The following FANCC variants were observed in gnomAD, a reference collection of about 807,000 sequenced individuals.
FANCC encodes Fanconi anemia group C protein.
FANCC carries 55 observed loss-of-function variants against 71.3 expected under a neutral mutation model. That is an observed-to-expected ratio of 0.77 (90% CI 0.62 to 0.97). The LOEUF is 0.97. FANCC is among the 50% of genes least tolerant of loss of function. The pLI, the probability that FANCC is intolerant of heterozygous loss-of-function variation, is 0.00. For synonymous variants in FANCC, 275 were observed against 244.9 expected (o/e 1.12, Z -1.15); for missense variants, 678 against 670.9 (o/e 1.01, Z -0.12).
rs529740106 is a variant in FANCC at position 95,136,346 on chromosome 9, G to T, written c.687-844C>A. On this transcript the variant is annotated intron_variant, in intron 7 of 14. Coordinates refer to ENST00000289081, the MANE Select transcript of FANCC (RefSeq NM_000136.3). The stretch of plus-strand genomic sequence containing the variant: ...CCCAGGAGGCTGTGTTCACGTCACT[G>T]CACTCCAACCTGGGCAAAAGAGCAA... Among the ~76,000 whole-genome samples the T allele has an allele frequency of 2.0e-5, 3 of 152,176 alleles. No homozygotes were observed. The South Asian group carries it at 6.2e-4, about 32-fold the overall frequency.
rs527289778 is a variant in FANCC, at chr9:95,249,275, A to G, written c.17T>C (p.Val6Ala). MAQDSVDLSCDYQFWM... is the reference protein window; with the variant it reads MAQDSADLSCDYQFWM... The stretch of plus-strand genomic sequence containing the variant: ...AAACTGATAATCACAAGAAAGATCT[A>G]CTGAATCTTGAGCCATCTTGGAAAA... Residue 6 changes from valine to alanine, a missense_variant, in exon 2 of 15, where the codon GTA (valine) becomes GCA (alanine). Physicochemically the swap from Val to Ala is moderately conservative, Grantham distance 64. Coordinates refer to ENST00000289081, the MANE Select transcript of FANCC (RefSeq NM_000136.3). 8 of 1,614,108 alleles carry G rather than the reference A, an allele frequency of 5.0e-6. No individual in the cohort carries two copies. In the East Asian group the frequency reaches 1.6e-4, roughly 31 times the overall value.
intron 3 of FANCC, 51 bp from the exon 4 acceptor site, chr9:95,240,794 T>C (rs762146072): frequency 1.3e-5 from 14 of 1,049,582 alleles, no homozygotes; most frequent in Non-Finnish European, 2.1e-5. Context: ...AAATCATTAA[T>C]ATAAAAACAC....
rs771319430 is a variant in FANCC at position 95,135,483 on chromosome 9, T to C, written c.706A>G (p.Met236Val). 5.6e-6 allele frequency: 9 copies of C among 1,613,870 alleles called. No individual in the cohort carries two copies. Among genetic ancestry groups the C allele is most frequent in the Admixed American group, 1.7e-5 (1 of 59,996 alleles). ...AGCCAGAGGCAGACTACAGCTGACA[T>C]GGGGAGAGAAATCTTCTTCCTTTCA... ...AILLKKISLP[M>V]SAVVCLWLRH... The change falls in exon 8 of 15, where the codon ATG (methionine) becomes GTG (valine). Residue 236 changes from methionine (M) to valine (V), a missense_variant. Met to Val is a conservative substitution (Grantham distance 21). Transcript: ENST00000289081.
At chr9:95,207,709 A>G (rs957508203) in intron 4 of FANCC, among the ~76,000 whole-genome samples, 7 of 151,764 alleles carry the variant, frequency 4.6e-5, no homozygotes, top group African/African-American at 1.7e-4. Flanking sequence ...TCCACTAGCC[A>G]CCCCCACCTA....
intron 4 of FANCC, among the ~76,000 whole-genome samples, chr9:95,206,981 G>A (rs368004218): frequency 6.6e-6 from 1 of 152,080 alleles, no homozygotes; most frequent in African/African-American, 2.4e-5. Flanking sequence ...TAATGAATGG[G>A]AGTACAACCA....
At chr9:95,165,487 T>C (rs527776144) in intron 6 of FANCC, among the ~76,000 whole-genome samples, 2 of 152,040 alleles carry the variant, frequency 1.3e-5, no homozygotes, top group African/African-American at 4.8e-5. Context: ...ATATGTTGGG[T>C]TTTCATTTTC....
intron 4 of FANCC, among the ~76,000 whole-genome samples, chr9:95,195,764 T>C (rs955270291): frequency 2.6e-5 from 4 of 152,262 alleles, no homozygotes; most frequent in African/African-American, 9.6e-5. Flanking sequence ...TCTCCATTTA[T>C]TTCAGTCTTT....
intron 1 of FANCC, among the ~76,000 whole-genome samples, chr9:95,278,547 C>T (rs1434910414): frequency 6.6e-6 from 1 of 152,160 alleles, no homozygotes; most frequent in African/African-American, 2.4e-5. Flanking sequence ...TCTCACAATG[C>T]TGGGCAGTGA....
chr9:95,292,928 C>G, intron 1 of FANCC: 2 of 1,581,002 alleles, frequency 1.3e-6, no homozygotes, highest in Non-Finnish European at 1.7e-6. Context: ...GCGGCTGTCC[C>G]TACGCCAGTA....
chr9:95,308,940 CA>C (rs1159856480), intron 1 of FANCC, among the ~76,000 whole-genome samples: 3 of 152,078 alleles, frequency 2.0e-5, no homozygotes, highest in Non-Finnish European at 2.9e-5. Flanking sequence ...TCCAGGAGGG[CA>C]AGACTGCAAC....
intron 6 of FANCC, 52 bp downstream of exon 6, chr9:95,171,027 A>G (rs1465104784): frequency 6.9e-7 from 1 of 1,448,786 alleles, no homozygotes; most frequent in Non-Finnish European, 9.7e-7. Context: ...TCTCATAACC[A>G]AACTGATACA....
At chr9:95,308,486 C>T (rs1019824968) in intron 1 of FANCC, among the ~76,000 whole-genome samples, 7 of 152,028 alleles carry the variant, frequency 4.6e-5, no homozygotes, top group Admixed American at 2.6e-4. Context: ...AGGTTTCACC[C>T]TGTTGGCCAG....
intron 1 of FANCC, among the ~76,000 whole-genome samples, chr9:95,313,093 C>T (rs1225619625): frequency 6.6e-6 from 1 of 152,232 alleles, no homozygotes; most frequent in African/African-American, 2.4e-5. Context: ...AAGATACACA[C>T]CACAGAAGCC....
At chr9:95,201,350 T>C (rs961437766) in intron 4 of FANCC, among the ~76,000 whole-genome samples, 2 of 152,172 alleles carry the variant, frequency 1.3e-5, no homozygotes, top group Non-Finnish European at 2.9e-5. Flanking sequence ...ATGCTGCTAC[T>C]GTGGCTAACA....
intron 8 of FANCC, among the ~76,000 whole-genome samples, chr9:95,129,255 T>C (rs1172776296): frequency 6.6e-6 from 1 of 152,186 alleles, no homozygotes; most frequent in Non-Finnish European, 1.5e-5. Flanking sequence ...TTTGAGCACA[T>C]AATTTCAGGG....
rs587779909 is a variant in FANCC, at chr9:95,135,345, C to T, written c.843+1G>A. ...TCCCTTCATCAAAACCCAGTACGTA[C>T]CAGCGATGAATCTTTTATAAAGCAT... On this transcript the variant is annotated splice_donor_variant, in intron 8 of 14. Transcript: ENST00000289081. LOFTEE classifies it high-confidence loss of function. 15 of 1,613,718 alleles carry T rather than the reference C, an allele frequency of 9.3e-6. No homozygotes were observed. Among genetic ancestry groups the T allele is most frequent in the Admixed American group, 1.7e-5 (1 of 60,002 alleles).
intron 1 of FANCC, chr9:95,292,675 GCA>G: frequency 7.5e-7 from 1 of 1,337,688 alleles, no homozygotes. Context: ...ATGCAGTATA[GCA>G]CAGTCAATCC....
intron 4 of FANCC, among the ~76,000 whole-genome samples, chr9:95,234,024 T>C (rs915760838): frequency 2.0e-5 from 3 of 152,184 alleles, no homozygotes; most frequent in Non-Finnish European, 4.4e-5. Context: ...GAAGGTCTGC[T>C]GATTATGCTA....
intron 4 of FANCC, among the ~76,000 whole-genome samples, chr9:95,176,708 T>C (rs558626735): frequency 6.6e-6 from 1 of 152,404 alleles, no homozygotes; most frequent in South Asian, 2.1e-4. Flanking sequence ...TGTTATTGTA[T>C]ATCACAATCC....
Sources: gnomAD v4.1 joint callset for allele counts (sites outside exome capture counted in the v4.1 genomes callset) on GRCh38, gnomAD v4.1.1 for gene constraint, MANE v1.5 for transcripts, NCBI Gene and HGNC (gene_info 2026-07-23, HGNC 2026-07-21) for gene names.